The following SDK1 variants were observed in gnomAD, a reference collection of about 807,000 sequenced individuals.
The protein encoded by SDK1 is sidekick cell adhesion molecule 1.
Under a neutral mutation model 245.5 loss-of-function variants are expected in SDK1, and 157 were observed. That is an observed-to-expected ratio of 0.64 (90% CI 0.56 to 0.73). The LOEUF (loss-of-function observed/expected upper bound fraction) is 0.73. Ranked by LOEUF, SDK1 falls within the 30% of genes least tolerant of loss-of-function variation. SDK1 has a pLI of 0.00. For synonymous variants in SDK1, 1,647 were observed against 1,278.5 expected (o/e 1.29, Z -6.15); for missense variants, 3,583 against 3,002.3 (o/e 1.19, Z -4.52).
At chr7:4,250,389 G>A (rs1033312457) in intron 44 of SDK1, among the ~76,000 whole-genome samples, 2 of 151,978 alleles carry the variant, frequency 1.3e-5, no homozygotes, top group African/African-American at 2.4e-5. Flanking sequence ...TGTCGCTCAG[G>A]CTGGAGTGCA....
intron 22 of SDK1, among the ~76,000 whole-genome samples, chr7:4,081,127 A>C (rs1781028542): frequency 6.6e-6 from 1 of 152,188 alleles, no homozygotes; most frequent in Non-Finnish European, 1.5e-5. Context: ...AGGCTTTAGA[A>C]TGTGGTGTTA....
intron 4 of SDK1, among the ~76,000 whole-genome samples, chr7:3,724,374 A>C (rs1035352435): frequency 2.0e-5 from 3 of 151,990 alleles, no homozygotes; most frequent in Admixed American, 2.0e-4. Context: ...GGAGTTTGAG[A>C]CCAGCCTGGG....
At chr7:4,085,625 G>A (rs1415361515) in intron 22 of SDK1, among the ~76,000 whole-genome samples, 3 of 152,132 alleles carry the variant, frequency 2.0e-5, no homozygotes, top group East Asian at 3.9e-4. Flanking sequence ...CGTGATCTCA[G>A]ATCACTGCAA....
At chr7:3,744,236 C>T (rs1261651874) in intron 4 of SDK1, among the ~76,000 whole-genome samples, 2 of 151,984 alleles carry the variant, frequency 1.3e-5, no homozygotes, top group Non-Finnish European at 2.9e-5. Flanking sequence ...AAATAGCCCC[C>T]CTCCCCCCAT....
At chr7:3,884,349 G>A (rs745599287) in intron 5 of SDK1, among the ~76,000 whole-genome samples, 5 of 152,100 alleles carry the variant, frequency 3.3e-5, no homozygotes, top group Admixed American at 6.5e-5. Flanking sequence ...TGTGTCTGGC[G>A]CATAAAAGGA....
intron 4 of SDK1, among the ~76,000 whole-genome samples, chr7:3,722,290 TAGAG>T (rs1481711280): frequency 1.3e-5 from 2 of 152,208 alleles, no homozygotes; most frequent in African/African-American, 4.8e-5. Context: ...TAGCCACTAT[TAGAG>T]AGACAGGAGC....
At chr7:3,549,855 G>A (rs1779344143) in intron 1 of SDK1, among the ~76,000 whole-genome samples, 1 of 151,616 alleles carries the variant, frequency 6.6e-6, no homozygotes, top group Non-Finnish European at 1.5e-5. Context: ...TTTCCCATAG[G>A]CATAGGCCGA....
intron 1 of SDK1, among the ~76,000 whole-genome samples, chr7:3,359,719 C>G (rs578177672): frequency 3.5e-4 from 54 of 152,272 alleles, no homozygotes; most frequent in African/African-American, 1.2e-3. Context: ...AATTGTGAAC[C>G]TCACTTTCAG....
chr7:3,820,720 G>C (rs1461529625), intron 4 of SDK1, among the ~76,000 whole-genome samples: 1 of 152,182 alleles, frequency 6.6e-6, no homozygotes, highest in Non-Finnish European at 1.5e-5. Flanking sequence ...CCTAAGACAA[G>C]CAACTTAACT....
chr7:4,125,586 C>T (rs1308018004), intron 25 of SDK1, among the ~76,000 whole-genome samples: 1 of 152,148 alleles, frequency 6.6e-6, no homozygotes, highest in African/African-American at 2.4e-5. Flanking sequence ...GCAAGTGTTC[C>T]TGCTACAGAG....
chr7:3,378,802 G>A (rs1781413998), intron 1 of SDK1, among the ~76,000 whole-genome samples: 1 of 150,092 alleles, frequency 6.7e-6, no homozygotes, highest in African/African-American at 2.5e-5. Flanking sequence ...TCACTCTGCT[G>A]CCCTGCTCGC....
At chr7:3,332,963 C>G (rs1366151871) in intron 1 of SDK1, among the ~76,000 whole-genome samples, 1 of 152,294 alleles carries the variant, frequency 6.6e-6, no homozygotes, top group South Asian at 2.1e-4. Context: ...GCCTGGGGAA[C>G]GAGCCTCTTT....
At chr7:3,961,605 A>G (rs1344788249) in intron 8 of SDK1, among the ~76,000 whole-genome samples, 3 of 152,166 alleles carry the variant, frequency 2.0e-5, no homozygotes, top group Non-Finnish European at 2.9e-5. Context: ...ACAATGGAAT[A>G]CCTCTTGTGC....
At chr7:3,341,446 G>A (rs967567672) in intron 1 of SDK1, among the ~76,000 whole-genome samples, 1 of 152,080 alleles carries the variant, frequency 6.6e-6, no homozygotes, top group African/African-American at 2.4e-5. Context: ...TGGGAACAAG[G>A]CCAGGATGTT....
Position 4,114,108 on chromosome 7 carries a change from C to A in SDK1, c.3657C>A (p.Asp1219Glu). 4 of 1,614,218 alleles carry A rather than the reference C, an allele frequency of 2.5e-6. No homozygotes were observed. The highest frequency in any genetic ancestry group is 3.4e-6 in the Non-Finnish European group (4 of 1,180,042). The change falls in exon 25 of 45, where the codon GAC becomes GAA. Residue 1219 changes from aspartate (D) to glutamate (E), a missense_variant. Coordinates refer to ENST00000404826, the MANE Select transcript of SDK1 (RefSeq NM_152744.4). ...VGYRIKYWRS[D>E]LQSSAVAQVV... ...ACAGGATTAAGTACTGGCGCTCAGA[C>A]CTCCAGTCCTCAGCAGTGGCCCAAG...
At chr7:3,446,132 C>A (rs1383342161) in intron 1 of SDK1, among the ~76,000 whole-genome samples, 1 of 152,026 alleles carries the variant, frequency 6.6e-6, no homozygotes. Context: ...GAGTTGGTTT[C>A]CCTGTTAGGT....
intron 4 of SDK1, 49 bp downstream of exon 4, chr7:3,642,154 T>G: frequency 6.4e-7 from 1 of 1,574,054 alleles, no homozygotes; most frequent in Admixed American, 1.7e-5. Context: ...TAATGTCACT[T>G]GCTGGCACCA....
chr7:3,867,416 T>C (rs1209508327), intron 5 of SDK1, among the ~76,000 whole-genome samples: 1 of 152,204 alleles, frequency 6.6e-6, no homozygotes, highest in African/African-American at 2.4e-5. Flanking sequence ...TTCACGCTGC[T>C]GATAAAGACA....
intron 5 of SDK1, among the ~76,000 whole-genome samples, chr7:3,826,241 A>G (rs1014544556): frequency 7.9e-5 from 12 of 152,274 alleles, no homozygotes; most frequent in African/African-American, 1.7e-4. Flanking sequence ...TTACTTATCA[A>G]TTCTAAGCAT....
Sources: gnomAD v4.1 joint callset for allele counts (sites outside exome capture counted in the v4.1 genomes callset) on GRCh38, gnomAD v4.1.1 for gene constraint, MANE v1.5 for transcripts, NCBI Gene and HGNC (gene_info 2026-07-23, HGNC 2026-07-21) for gene names.